GRIK4: variants seen among roughly 807,000 people sequenced by gnomAD.
GRIK4 encodes the protein glutamate receptor ionotropic, kainate 4.
Under a neutral mutation model 104.9 loss-of-function variants are expected in GRIK4, and 40 were observed. The observed-to-expected ratio is 0.38, with a 90% CI of 0.30 to 0.50. The LOEUF (loss-of-function observed/expected upper bound fraction) is 0.50, where lower values mean the gene tolerates loss of function less well. Ranked by LOEUF, GRIK4 falls within the 20% of genes least tolerant of loss-of-function variation. The pLI, the probability that GRIK4 is intolerant of heterozygous loss-of-function variation, is 0.93. For missense variants in GRIK4, 1,047 were observed against 1,308.1 expected (o/e 0.80, Z 3.08); for synonymous variants, 485 against 524.9 (o/e 0.92, Z 1.04).
intron 3 of GRIK4, among the ~76,000 whole-genome samples, chr11:120,780,707 C>T (rs1023067226): frequency 5.3e-5 from 8 of 151,942 alleles, no homozygotes; most frequent in Non-Finnish European, 1.0e-4. Flanking sequence ...TTACATTATC[C>T]GGGGTTTTTT....
chr11:120,777,148 A>G (rs1952060061), intron 3 of GRIK4, among the ~76,000 whole-genome samples: 1 of 152,186 alleles, frequency 6.6e-6, no homozygotes, highest in African/African-American at 2.4e-5. Context: ...GGGTTTCTTC[A>G]AAGTTTATCT....
intron 14 of GRIK4, among the ~76,000 whole-genome samples, chr11:120,950,268 T>C (rs989067373): frequency 1.3e-5 from 2 of 152,188 alleles, no homozygotes; most frequent in African/African-American, 4.8e-5. Context: ...GACTGATATG[T>C]TTCTGGGGGA....
intron 1 of GRIK4, among the ~76,000 whole-genome samples, chr11:120,610,881 G>A (rs1050589159): frequency 2.0e-5 from 3 of 152,188 alleles, no homozygotes; most frequent in African/African-American, 7.2e-5. Context: ...AGCAAAACAT[G>A]TTGATTGGAA....
At chr11:120,761,990 T>C (rs1380005004) in intron 3 of GRIK4, among the ~76,000 whole-genome samples, 1 of 152,180 alleles carries the variant, frequency 6.6e-6, no homozygotes, top group African/African-American at 2.4e-5. Context: ...GTGAAGAAAG[T>C]CAATGGTGGC....
chr11:120,773,446 GAGCA>G (rs1261092137), intron 3 of GRIK4, among the ~76,000 whole-genome samples: 1 of 152,202 alleles, frequency 6.6e-6, no homozygotes, highest in Non-Finnish European at 1.5e-5. Flanking sequence ...GAGCAAGAAG[GAGCA>G]ACAGGAAAAC....
At chr11:120,760,495 G>A (rs1391978221) in intron 3 of GRIK4, among the ~76,000 whole-genome samples, 1 of 150,930 alleles carries the variant, frequency 6.6e-6, no homozygotes, top group East Asian at 1.9e-4. Flanking sequence ...TGTGCAGAAC[G>A]TGCAGGTTTG....
intron 11 of GRIK4, among the ~76,000 whole-genome samples, chr11:120,897,057 G>A (rs1047198645): frequency 1.2e-4 from 19 of 152,212 alleles, no homozygotes; most frequent in African/African-American, 4.6e-4. Flanking sequence ...GCTCACGCCT[G>A]TAATCTCAGC....
chr11:120,728,039 C>G (rs946360896), intron 3 of GRIK4, among the ~76,000 whole-genome samples: 2 of 152,020 alleles, frequency 1.3e-5, no homozygotes, highest in African/African-American at 4.8e-5. Flanking sequence ...TGAAATTAAA[C>G]ATATATAAAT....
At position 120,753,297 on chromosome 11, in the gene GRIK4, CTGTGTG is replaced by C. The variant is rs57423619; in HGVS notation, c.83-49355_83-49350del. 8.3e-3 allele frequency among the ~76,000 whole-genome samples: 1,075 copies of C among 130,246 alleles called. 6 individuals carry two copies. Among genetic ancestry groups the C allele is most frequent in the Middle Eastern group, 0.011 (3 of 264 alleles). 85.4% of individuals were successfully genotyped at this position (130,246 alleles called of 152,430 possible). On this transcript the variant is annotated intron_variant, in intron 3 of 20. Transcript: ENST00000527524. ...AGTTGAGCAATCAGACAACACAACTCTGTGTGTGTGTGTGTGTGTGTGTGTGTGTGT... is the reference window on the plus strand; with the variant it reads ...AGTTGAGCAATCAGACAACACAACTCTGTGTGTGTGTGTGTGTGTGTGTGT...
intron 4 of GRIK4, among the ~76,000 whole-genome samples, chr11:120,810,983 TC>T (rs1237900676): frequency 6.6e-6 from 1 of 151,912 alleles, no homozygotes; most frequent in African/African-American, 2.4e-5. Context: ...ATGATGTAAT[TC>T]CCCCCACAAG....
Position 120,567,062 on chromosome 11 carries a change from G to A in GRIK4, c.-159+55175G>A, listed in dbSNP as rs1427065594. Among the ~76,000 whole-genome samples, 9 of 147,946 alleles carry A rather than the reference G, an allele frequency of 6.1e-5. No homozygotes were observed. The South Asian group carries it at 8.6e-4, about 14-fold the overall frequency. On this transcript the variant is annotated intron_variant, in intron 1 of 20. Transcript: ENST00000527524. ...CTATTCATAGGTGTGGTTGTGCTGC[G>A]CTGCTGCCTTGAACTCCTGGGCTCA...
At chr11:120,688,683 A>G (rs1192781839) in intron 3 of GRIK4, among the ~76,000 whole-genome samples, 1 of 152,242 alleles carries the variant, frequency 6.6e-6, no homozygotes, top group Non-Finnish European at 1.5e-5. Context: ...TCCAATATGG[A>G]GATCTGCATG....
chr11:120,523,599 T>C (rs1345664089), intron 1 of GRIK4, among the ~76,000 whole-genome samples: 4 of 152,186 alleles, frequency 2.6e-5, no homozygotes, highest in African/African-American at 9.6e-5. Context: ...TTAGTCCCAT[T>C]GGACAAGGGA....
At chr11:120,941,018 G>C (rs191406773) in intron 14 of GRIK4, among the ~76,000 whole-genome samples, 39 of 152,358 alleles carry the variant, frequency 2.6e-4, no homozygotes, top group Admixed American at 2.0e-3. Flanking sequence ...GTGAGTTTGT[G>C]AGAACACACC....
intron 3 of GRIK4, among the ~76,000 whole-genome samples, chr11:120,690,079 A>G (rs1317301004): frequency 6.6e-6 from 1 of 152,206 alleles, no homozygotes; most frequent in African/African-American, 2.4e-5. Context: ...GAAGGACTGT[A>G]AAAGTGATTT....
intron 13 of GRIK4, among the ~76,000 whole-genome samples, chr11:120,930,465 TC>T (rs1943460768): frequency 1.3e-5 from 2 of 152,182 alleles, no homozygotes; most frequent in Admixed American, 1.3e-4. Flanking sequence ...ACTATCATTA[TC>T]CCTACTTTAC....
intron 3 of GRIK4, among the ~76,000 whole-genome samples, chr11:120,695,553 C>T (rs528115009): frequency 4.6e-5 from 7 of 152,194 alleles, no homozygotes; most frequent in Non-Finnish European, 1.0e-4. Context: ...TCAGAACTTT[C>T]ATTTATGCAG....
intron 14 of GRIK4, among the ~76,000 whole-genome samples, chr11:120,950,008 C>T (rs1943960021): frequency 6.6e-6 from 1 of 152,174 alleles, no homozygotes; most frequent in Admixed American, 6.5e-5. Context: ...ACCTGATTTG[C>T]CCCAAGCGCC....
At chr11:120,671,766 A>G (rs954003140) in intron 3 of GRIK4, among the ~76,000 whole-genome samples, 4 of 152,072 alleles carry the variant, frequency 2.6e-5, no homozygotes, top group Admixed American at 2.0e-4. Flanking sequence ...TTATGTTGCC[A>G]TTGCTTTTGG....
Sources: gnomAD v4.1 joint callset for allele counts (sites outside exome capture counted in the v4.1 genomes callset) on GRCh38, gnomAD v4.1.1 for gene constraint, MANE v1.5 for transcripts, NCBI Gene and HGNC (gene_info 2026-07-23, HGNC 2026-07-21) for gene names.